The following NR2C2 variants were observed in gnomAD, a reference collection of about 807,000 sequenced individuals.
NR2C2 encodes Nuclear hormone receptor TR4.
Under a neutral mutation model 62.9 loss-of-function variants are expected in NR2C2, and 6 were observed. The observed-to-expected ratio is 0.10, with a 90% CI of 0.05 to 0.19. The LOEUF is 0.19. Among genes scored for constraint, NR2C2 ranks in the 10% least tolerant of loss-of-function variants. The pLI, the probability that NR2C2 is intolerant of heterozygous loss-of-function variation, is 1.00. For missense variants in NR2C2, 479 were observed against 762.7 expected, an observed-to-expected ratio of 0.63 and a Z score of 4.38; for synonymous variants, 272 against 273.8, an observed-to-expected ratio of 0.99 and a Z score of 0.07.
chr3:15,023,643 G>A (rs2041739345), intron 6 of NR2C2, among the ~76,000 whole-genome samples: 1 of 152,232 alleles, frequency 6.6e-6, no homozygotes, highest in Non-Finnish European at 1.5e-5. Context: ...GGGCATTTCT[G>A]CAGTACACAC....
chr3:15,024,766 T>C (rs1272880836), intron 7 of NR2C2, among the ~76,000 whole-genome samples: 1 of 152,206 alleles, frequency 6.6e-6, no homozygotes, highest in Non-Finnish European at 1.5e-5. Context: ...TCACTGTTTG[T>C]CTCATCCTGG....
At chr3:15,011,786 C>T (rs1170589034) in intron 2 of NR2C2, among the ~76,000 whole-genome samples, 4 of 152,216 alleles carry the variant, frequency 2.6e-5, no homozygotes, top group African/African-American at 7.2e-5. Context: ...GTGTAGCACA[C>T]TTTGCCGCAT....
At chr3:14,965,725 G>A (rs1235694039) in intron 1 of NR2C2, among the ~76,000 whole-genome samples, 2 of 151,874 alleles carry the variant, frequency 1.3e-5, no homozygotes, top group Non-Finnish European at 2.9e-5. Context: ...GTGCAATGGC[G>A]TGATCTCAGC....
intron 1 of NR2C2, among the ~76,000 whole-genome samples, chr3:15,001,328 T>G (rs542590355): frequency 1.2e-4 from 18 of 148,528 alleles, no homozygotes; most frequent in Admixed American, 4.7e-4. Context: ...GTTTTTTTTT[T>G]TTTTTTTTTT....
Position 15,003,947 on chromosome 3 carries a change from C to G in NR2C2, c.33C>G (p.Ile11Met). 1 of 1,613,864 alleles carries G rather than the reference C, an allele frequency of 6.2e-7. No individual in the cohort carries two copies. Among genetic ancestry groups the G allele is most frequent in the South Asian group, 1.1e-5 (1 of 91,072 alleles). Residue 11 changes from isoleucine to methionine, a missense_variant, in exon 2 of 14, where the codon ATC (isoleucine) becomes ATG (methionine). This residue lies in a region of NR2C2 where 115 missense variants were observed against 152.3 expected (regional missense o/e 0.76). Coordinates refer to ENST00000425241, the MANE Select transcript of NR2C2 (RefSeq NM_001291694.2). ...GCCCCTCCCCACGCATCCAGATAAT[C>G]TCCACCGACTCTGCTGTAGCCTCAC... is the stretch of plus-strand genomic sequence containing the variant. MTSPSPRIQI[I>M]STDSAVASPQ...
Position 14,981,375 on chromosome 3 carries a change from G to A in NR2C2, c.-39-22501G>A, listed in dbSNP as rs1383895693. Among the ~76,000 whole-genome samples, 7 of 152,186 alleles carry A rather than the reference G, an allele frequency of 4.6e-5. 1 individual carries two copies. The highest frequency in any genetic ancestry group is 1.7e-4 in the African/African-American group (7 of 41,552). On this transcript the variant is annotated intron_variant, in intron 1 of 13. Coordinates refer to ENST00000425241, the MANE Select transcript of NR2C2 (RefSeq NM_001291694.2). ...TCCCAGCACTTTGGAAGGCCAAGGC[G>A]AGTGGATCACAAGGTCAGGAGATCA...
intron 1 of NR2C2, chr3:14,962,297 A>C (rs1407352714): frequency 6.5e-6 from 1 of 152,686 alleles, no homozygotes; most frequent in East Asian, 1.9e-4. Context: ...TGTCTGCTAT[A>C]GAGGGCAAAA....
intron 13 of NR2C2, among the ~76,000 whole-genome samples, chr3:15,040,099 G>C (rs2042213701): frequency 6.6e-6 from 1 of 151,930 alleles, no homozygotes; most frequent in South Asian, 2.1e-4. Context: ...GGCAGAGGTT[G>C]CAGTGAGCTG....
chr3:15,037,863 C>T (rs996156190), intron 11 of NR2C2, 137 bp from the exon 12 acceptor site: 30 of 930,646 alleles, frequency 3.2e-5, no homozygotes, highest in Non-Finnish European at 4.6e-5. Flanking sequence ...GAAAATGAAG[C>T]TCTTGTTCAC....
chr3:15,016,777 G>A (rs1021781945), intron 4 of NR2C2, among the ~76,000 whole-genome samples: 2 of 152,168 alleles, frequency 1.3e-5, no homozygotes, highest in Non-Finnish European at 2.9e-5. Context: ...GTTGGAGCAG[G>A]AGGAGGGCAT....
intron 10 of NR2C2, among the ~76,000 whole-genome samples, chr3:15,033,415 G>A (rs1460765798): frequency 1.3e-5 from 2 of 152,192 alleles, no homozygotes; most frequent in Non-Finnish European, 2.9e-5. Context: ...CTCAGCAGAA[G>A]GCAGTGTGGT....
At chr3:14,948,081 C>G (rs964810029) in intron 1 of NR2C2, 175 bp downstream of exon 1, 2 of 152,254 alleles carry the variant, frequency 1.3e-5, no homozygotes, top group South Asian at 4.1e-4. Flanking sequence ...CCCCTCCCCT[C>G]CCCGCCCGCG....
At chr3:15,022,507 CA>C (rs1231879299) in intron 5 of NR2C2, among the ~76,000 whole-genome samples, 1 of 147,484 alleles carries the variant, frequency 6.8e-6, no homozygotes, top group East Asian at 2.0e-4. Flanking sequence ...CAGGTTCAAG[CA>C]ATTCTCCCTG....
intron 1 of NR2C2, among the ~76,000 whole-genome samples, chr3:14,976,602 C>CTTTTTTTTTTTTTTTTTT (rs533538010): frequency 1.1e-5 from 1 of 90,740 alleles, no homozygotes; most frequent in African/African-American, 5.1e-5. Flanking sequence ...TCCTTCCTTC[C>CTTTTTTTTTTTTTTTTTT]TTTTTTTTTT....
intron 1 of NR2C2, chr3:14,948,585 T>C (rs1431373326): frequency 3.4e-4 from 25 of 73,116 alleles, no homozygotes; most frequent in Non-Finnish European, 6.3e-4. Context: ...TGGGGCCGGG[T>C]CGGCGGGGGC....
At chr3:14,993,418 C>T (rs2040725046) in intron 1 of NR2C2, among the ~76,000 whole-genome samples, 1 of 150,832 alleles carries the variant, frequency 6.6e-6, no homozygotes, top group South Asian at 2.1e-4. Context: ...TGCATCACTG[C>T]ACTCCAGCCT....
At chr3:14,971,804 T>G (rs1192298616) in intron 1 of NR2C2, among the ~76,000 whole-genome samples, 1 of 144,348 alleles carries the variant, frequency 6.9e-6, no homozygotes, top group East Asian at 2.0e-4. Flanking sequence ...CCTAAATTTC[T>G]TTTTTCTTTT....
At chr3:14,999,057 C>T (rs1171300265) in intron 1 of NR2C2, among the ~76,000 whole-genome samples, 1 of 152,198 alleles carries the variant, frequency 6.6e-6, no homozygotes, top group African/African-American at 2.4e-5. Context: ...TGGCTCACGC[C>T]TGTAATCCCA....
intron 1 of NR2C2, among the ~76,000 whole-genome samples, chr3:14,958,565 G>A (rs894115799): frequency 6.6e-6 from 1 of 152,186 alleles, no homozygotes; most frequent in Non-Finnish European, 1.5e-5. Flanking sequence ...TAACCACTTA[G>A]TGTTAGTTGC....
Sources: allele counts gnomAD v4.1 joint callset (sites outside exome capture counted in the v4.1 genomes callset), GRCh38; gene constraint gnomAD v4.1.1; regional missense constraint gnomAD v4.1.1; transcripts MANE v1.5; gene names NCBI Gene and HGNC (gene_info 2026-07-23, HGNC 2026-07-21).